AGFG1: variants seen among roughly 807,000 people sequenced by gnomAD.
AGFG1 encodes arf-GAP domain and FG repeat-containing protein 1.
In AGFG1, 10 loss-of-function variants were observed where a neutral mutation model predicts 60.6. The observed-to-expected ratio is 0.16, with a 90% CI of 0.10 to 0.28. The LOEUF (loss-of-function observed/expected upper bound fraction) is 0.28. Ranked by LOEUF, AGFG1 falls within the 10% of genes least tolerant of loss-of-function variation. The pLI is 1.00. For synonymous variants in AGFG1, 247 were observed against 242.9 expected (o/e 1.02, Z -0.16); for missense variants, 537 against 676.5 (o/e 0.79, Z 2.29).
chr2:227,511,715 T>C (rs2106195204), intron 2 of AGFG1, among the ~76,000 whole-genome samples: 1 of 152,332 alleles, frequency 6.6e-6, no homozygotes, highest in East Asian at 1.9e-4. Flanking sequence ...ATACACCAGG[T>C]ATTAAGTGCT....
At chr2:227,544,278 C>T (rs1373748358) in intron 10 of AGFG1, among the ~76,000 whole-genome samples, 2 of 151,380 alleles carry the variant, frequency 1.3e-5, no homozygotes, top group East Asian at 2.0e-4. Flanking sequence ...CCTCAGCCTT[C>T]CCAGTAGCTT....
At chr2:227,513,009 C>A (rs925800292) in intron 2 of AGFG1, among the ~76,000 whole-genome samples, 7 of 152,074 alleles carry the variant, frequency 4.6e-5, no homozygotes, top group African/African-American at 1.7e-4. Flanking sequence ...AGAGTCATGC[C>A]ATGTGGTTTA....
At chr2:227,480,427 TCTCA>T (rs1690423439) in intron 1 of AGFG1, among the ~76,000 whole-genome samples, 1 of 151,764 alleles carries the variant, frequency 6.6e-6, no homozygotes, top group African/African-American at 2.4e-5. Context: ...TGAGATGGAG[TCTCA>T]CTCCATCTCC....
chr2:227,519,877 T>C, intron 2 of AGFG1, 71 bp from the exon 3 acceptor site: 1 of 829,158 alleles, frequency 1.2e-6, no homozygotes, highest in Non-Finnish European at 1.9e-6. Context: ...GAAAGAATCA[T>C]AGTATCCCCT....
At chr2:227,498,166 G>C (rs915291804) in intron 2 of AGFG1, among the ~76,000 whole-genome samples, 7 of 151,912 alleles carry the variant, frequency 4.6e-5, no homozygotes, top group Non-Finnish European at 1.0e-4. Flanking sequence ...TTTTTCCCCA[G>C]GTTTGGTAAC....
At chr2:227,513,833 G>A (rs992497904) in intron 2 of AGFG1, among the ~76,000 whole-genome samples, 1 of 152,222 alleles carries the variant, frequency 6.6e-6, no homozygotes, top group Admixed American at 6.5e-5. Context: ...GTTGTCTGGT[G>A]TGATTTTATT....
chr2:227,481,927 G>A (rs1384852870), intron 1 of AGFG1, among the ~76,000 whole-genome samples: 6 of 148,102 alleles, frequency 4.1e-5, no homozygotes, highest in African/African-American at 1.0e-4. Context: ...GTGCAGGGGC[G>A]CGATCTCTGC....
intron 2 of AGFG1, among the ~76,000 whole-genome samples, chr2:227,517,578 A>G (rs1302237430): frequency 1.3e-5 from 2 of 152,188 alleles, no homozygotes; most frequent in Non-Finnish European, 2.9e-5. Context: ...CCCACAAGAA[A>G]TGTTTTGAAA....
chr2:227,523,305 T>C (rs1314984283), intron 3 of AGFG1, among the ~76,000 whole-genome samples: 1 of 152,230 alleles, frequency 6.6e-6, no homozygotes, highest in African/African-American at 2.4e-5. Flanking sequence ...GATCTTATTC[T>C]TACAGATGTA....
At chr2:227,526,533 C>CGGCCCTAA (rs1691998994) in intron 5 of AGFG1, among the ~76,000 whole-genome samples, 1 of 145,424 alleles carries the variant, frequency 6.9e-6, no homozygotes, top group African/African-American at 2.6e-5. Context: ...CCACTGTGCC[C>CGGCCCTAA]AGCCTCTTTT....
intron 3 of AGFG1, among the ~76,000 whole-genome samples, chr2:227,523,513 AT>A (rs1467926138): frequency 1.3e-5 from 2 of 152,214 alleles, no homozygotes; most frequent in Non-Finnish European, 1.5e-5. Flanking sequence ...TAGAAAAACC[AT>A]AAATAAGTAA....
chr2:227,483,596 T>C lies in AGFG1; in HGVS notation c.168-7951T>C, dbSNP rs191636183. Among the ~76,000 whole-genome samples the C allele has an allele frequency of 1.2e-4, 18 of 152,320 alleles. No homozygotes were observed. In the East Asian group the frequency reaches 3.5e-3, roughly 29 times the overall value. The stretch of plus-strand genomic sequence containing the variant: ...GACTCATAACTTTTCTAGATTGCCT[T>C]TTTTCACTCAACATATTATCTTTAA... On this transcript the variant is annotated intron_variant, in intron 1 of 12. Coordinates refer to ENST00000310078, the MANE Select transcript of AGFG1 (RefSeq NM_004504.5).
chr2:227,525,488 A>G (rs967091194), intron 5 of AGFG1, among the ~76,000 whole-genome samples: 3 of 152,228 alleles, frequency 2.0e-5, no homozygotes, highest in African/African-American at 7.2e-5. Flanking sequence ...ATACATGCAT[A>G]TATACATACA....
In AGFG1 at chr2:227,536,579, T is replaced by C. The variant is rs73083457; in HGVS notation, c.1206-46T>C. 1.2e-3 allele frequency: 1,784 copies of C among 1,550,794 alleles called. 22 individuals carry two copies. In the African/African-American group the frequency reaches 0.02, roughly 17 times the overall value. Reference sequence around the variant, plus strand: ...GCTACCCTGTAAATCGTTACTTTCTTTTTTTTTTAAGAAAAAAAATGAACT... The same window carrying C: ...GCTACCCTGTAAATCGTTACTTTCTCTTTTTTTTAAGAAAAAAAATGAACT... On this transcript the variant is annotated intron_variant, in intron 8 of 12. Transcript: ENST00000310078.
chr2:227,512,311 C>A (rs1353288058), intron 2 of AGFG1, among the ~76,000 whole-genome samples: 1 of 152,150 alleles, frequency 6.6e-6, no homozygotes, highest in Non-Finnish European at 1.5e-5. Flanking sequence ...AAATGCAAAA[C>A]CATCAGTTTC....
Position 227,531,131 on chromosome 2 carries a change from A to C in AGFG1, c.735A>C (p.Ala245=). The C allele has an allele frequency of 6.2e-7, 1 of 1,613,652 alleles. No individual in the cohort carries two copies. Among genetic ancestry groups the C allele is most frequent in the South Asian group, 1.1e-5 (1 of 91,026 alleles). The part of the protein sequence containing the change: ...SANADFANFD[A]FGQSSGSSNF... The stretch of plus-strand genomic sequence containing the variant: ...ATGCAGATTTTGCAAACTTTGATGC[A>C]TTTGGACAGTCTAGTGGTTCGAGTA... Residue 245 remains alanine (A), a synonymous_variant, in exon 6 of 13, where the codon GCA becomes GCC. Transcript: ENST00000310078.
chr2:227,525,032 C>T (rs1691950042), intron 5 of AGFG1, 117 bp downstream of exon 5: 5 of 1,191,652 alleles, frequency 4.2e-6, no homozygotes, highest in Non-Finnish European at 6.0e-6. Flanking sequence ...TGTTTTGTCA[C>T]TTGTAACTGT....
At chr2:227,527,529 C>G (rs1044468262) in intron 5 of AGFG1, among the ~76,000 whole-genome samples, 5 of 152,122 alleles carry the variant, frequency 3.3e-5, no homozygotes, top group African/African-American at 1.2e-4. Flanking sequence ...TTTCTTGAGT[C>G]TTTACAGTTG....
intron 10 of AGFG1, among the ~76,000 whole-genome samples, chr2:227,543,856 A>C (rs1692564326): frequency 1.3e-5 from 2 of 151,564 alleles, no homozygotes; most frequent in South Asian, 4.2e-4. Context: ...GGGTGCATAT[A>C]TATTTAGGAT....
Sources: gnomAD v4.1 joint callset for allele counts (sites outside exome capture counted in the v4.1 genomes callset) on GRCh38, gnomAD v4.1.1 for gene constraint, MANE v1.5 for transcripts, NCBI Gene and HGNC (gene_info 2026-07-23, HGNC 2026-07-21) for gene names.